ESR2: variants seen among roughly 807,000 people sequenced by gnomAD.
The protein encoded by ESR2 is estrogen receptor 2, also known as estrogen receptor beta.
In ESR2, 36 loss-of-function variants were observed where a neutral mutation model predicts 49.6. The ratio of observed to expected loss-of-function variants is 0.73; its 90% CI spans 0.56 to 0.96. ESR2 has a LOEUF of 0.96. ESR2 is among the 40% of genes least tolerant of loss of function. The probability of loss-of-function intolerance (pLI) is 0.00; values close to 1 mark genes in which losing one functional copy is unlikely to be tolerated. For synonymous variants in ESR2, 320 were observed against 266.1 expected (o/e 1.20, Z -1.97); for missense variants, 714 against 693.0 (o/e 1.03, Z -0.34).
At chr14:64,310,520 G>A (rs921550797) in intron 1 of ESR2, among the ~76,000 whole-genome samples, 10 of 149,830 alleles carry the variant, frequency 6.7e-5, no homozygotes, top group African/African-American at 1.2e-4. Flanking sequence ...TGCCCAGGCT[G>A]GAGTGCAGTA....
chr14:64,326,520 A>G (rs1297111931), intron 1 of ESR2, among the ~76,000 whole-genome samples: 1 of 152,204 alleles, frequency 6.6e-6, no homozygotes, highest in Non-Finnish European at 1.5e-5. Context: ...AGATCATTCC[A>G]GCTCCCAAGA....
At chr14:64,329,511 T>C (rs73269936) in intron 1 of ESR2, 6,789 of 152,188 alleles carry the variant, frequency 0.045, 323 homozygotes, top group African/African-American at 0.12. Context: ...GGCCAGGCAC[T>C]GTGGCTCATG....
At chr14:64,320,331 T>C (rs1392190403) in intron 1 of ESR2, among the ~76,000 whole-genome samples, 2 of 151,922 alleles carry the variant, frequency 1.3e-5, no homozygotes, top group Non-Finnish European at 2.9e-5. Flanking sequence ...CTCAGGAGGC[T>C]AAGGCAGGAG....
At chr14:64,261,511 G>A (rs916280030) in intron 4 of ESR2, among the ~76,000 whole-genome samples, 3 of 152,086 alleles carry the variant, frequency 2.0e-5, no homozygotes, top group South Asian at 2.1e-4. Flanking sequence ...TCAGCCTCCC[G>A]GGTTCAAGCG....
chr14:64,314,002 C>A (rs966199760), intron 1 of ESR2, among the ~76,000 whole-genome samples: 1 of 152,026 alleles, frequency 6.6e-6, no homozygotes, highest in African/African-American at 2.4e-5. Flanking sequence ...TAGAAAAACT[C>A]AACCACACCA....
At chr14:64,244,781 C>A (rs2075814097) in intron 7 of ESR2, among the ~76,000 whole-genome samples, 1 of 152,232 alleles carries the variant, frequency 6.6e-6, no homozygotes, top group Admixed American at 6.5e-5. Flanking sequence ...TTGTTCAAGT[C>A]AGTTTTCATA....
At chr14:64,279,375 A>G (rs759946799) in intron 3 of ESR2, among the ~76,000 whole-genome samples, 20 of 151,904 alleles carry the variant, frequency 1.3e-4, no homozygotes, top group Non-Finnish European at 2.5e-4. Context: ...GATTCTTTTC[A>G]TCAACAAGTT....
intron 1 of ESR2, among the ~76,000 whole-genome samples, chr14:64,285,826 C>CAAAAAA (rs10559131): frequency 8.9e-5 from 9 of 100,646 alleles, no homozygotes; most frequent in Non-Finnish European, 1.4e-4. Context: ...GACTCTGTCT[C>CAAAAAA]AAAAAAAAAA....
At chr14:64,247,204 C>T (rs2075878861) in intron 7 of ESR2, among the ~76,000 whole-genome samples, 1 of 152,190 alleles carries the variant, frequency 6.6e-6, no homozygotes, top group South Asian at 2.1e-4. Flanking sequence ...AATGTGATAA[C>T]TAATAATATT....
At chr14:64,256,632 G>A (rs2076100675) in intron 6 of ESR2, among the ~76,000 whole-genome samples, 1 of 152,122 alleles carries the variant, frequency 6.6e-6, no homozygotes, top group African/African-American at 2.4e-5. Flanking sequence ...GAGAGGCTGA[G>A]GCAGCAGGAT....
intron 3 of ESR2, among the ~76,000 whole-genome samples, chr14:64,278,024 T>C (rs1188790043): frequency 6.6e-6 from 1 of 151,046 alleles, no homozygotes; most frequent in Non-Finnish European, 1.5e-5. Context: ...TTAGTAGTAA[T>C]AGGTCCAAAC....
chr14:64,290,960 T>C (rs2076861623), intron 1 of ESR2, among the ~76,000 whole-genome samples: 1 of 152,204 alleles, frequency 6.6e-6, no homozygotes, highest in East Asian at 1.9e-4. Flanking sequence ...GGACCAAGCC[T>C]CGAAGGCAGG....
chr14:64,257,101 A>G, intron 6 of ESR2, 125 bp downstream of exon 6: 1 of 859,912 alleles, frequency 1.2e-6, no homozygotes, highest in Admixed American at 2.0e-5. Flanking sequence ...GAAGGAGCTG[A>G]TGATGCTATC....
chr14:64,316,941 T>C (rs1257434151), intron 1 of ESR2, among the ~76,000 whole-genome samples: 1 of 151,248 alleles, frequency 6.6e-6, no homozygotes, highest in Non-Finnish European at 1.5e-5. Flanking sequence ...TAAAGTGGGG[T>C]TGTATTTGGC....
At chr14:64,290,434 G>T (rs2076853339) in intron 1 of ESR2, among the ~76,000 whole-genome samples, 1 of 151,346 alleles carries the variant, frequency 6.6e-6, no homozygotes, top group African/African-American at 2.4e-5. Flanking sequence ...ATAGAGTTTT[G>T]CTTTGTTGCC....
chr14:64,291,271 C>A (rs2076866171), intron 1 of ESR2, among the ~76,000 whole-genome samples: 1 of 152,106 alleles, frequency 6.6e-6, no homozygotes, highest in Admixed American at 6.6e-5. Context: ...TATACAAGTC[C>A]AGCAATCTAT....
At chr14:64,261,323 C>T (rs1209022251) in intron 4 of ESR2, among the ~76,000 whole-genome samples, 1 of 144,516 alleles carries the variant, frequency 6.9e-6, no homozygotes, top group Non-Finnish European at 1.5e-5. Flanking sequence ...CTGCAAGCTC[C>T]GCCTACCGGG....
chr14:64,332,109 G>A (rs967950980), intron 1 of ESR2: 40 of 152,188 alleles, frequency 2.6e-4, no homozygotes, highest in African/African-American at 9.4e-4. Flanking sequence ...TATACATCCA[G>A]CTATGGCTAT....
chr14:64,335,654 C>T (rs74056585), intron 1 of ESR2, among the ~76,000 whole-genome samples: 1 of 152,170 alleles, frequency 6.6e-6, no homozygotes, highest in Non-Finnish European at 1.5e-5. Context: ...AGGGCTTCAA[C>T]ATATGAAAGT....
Sources: allele counts gnomAD v4.1 joint callset (sites outside exome capture counted in the v4.1 genomes callset), GRCh38; gene constraint gnomAD v4.1.1; transcripts MANE v1.5; gene names NCBI Gene and HGNC (gene_info 2026-07-23, HGNC 2026-07-21).